Variants in POTEJ observed in about 807,000 individuals in gnomAD.
POTEJ encodes POTE ankyrin domain family member J, also known as POTE ankyrin domain family, member J.
In POTEJ, 11 loss-of-function variants were observed where a neutral mutation model predicts 69.0. The observed-to-expected ratio is 0.16, with a 90% CI of 0.10 to 0.26. The LOEUF (loss-of-function observed/expected upper bound fraction) is 0.26, where lower values mean the gene tolerates loss of function less well. Ranked by LOEUF, POTEJ falls within the 10% of genes least tolerant of loss-of-function variation. The pLI is 1.00. For missense variants in POTEJ, 327 were observed against 1,045.5 expected, an observed-to-expected ratio of 0.31 and a Z score of 9.48; for synonymous variants, 117 against 381.1, an observed-to-expected ratio of 0.31 and a Z score of 8.07.
intron 13 of POTEJ, among the ~76,000 whole-genome samples, chr2:130,649,067 C>T (rs1466503005): frequency 2.1e-5 from 3 of 142,112 alleles, no homozygotes; most frequent in African/African-American, 5.7e-5. Context: ...GTTGGGATTA[C>T]AGGCGTGAGC....
At chr2:130,640,775 G>C (rs1235864148) in intron 10 of POTEJ, among the ~76,000 whole-genome samples, 1 of 152,188 alleles carries the variant, frequency 6.6e-6, no homozygotes, top group Non-Finnish European at 1.5e-5. Context: ...GATTAGCTTA[G>C]AATAAACATT....
At position 130,615,604 on chromosome 2, in the gene POTEJ, G is replaced by C. The variant is rs559956161; in HGVS notation, c.411-1186G>C. Among the ~76,000 whole-genome samples, 22 of 141,198 alleles carry C rather than the reference G, an allele frequency of 1.6e-4. 2 individuals carry two copies. The highest frequency in any genetic ancestry group is 4.9e-4 in the African/African-American group (17 of 34,744). The allele number at this position is 141,198 out of a possible 152,430, so 92.6% of individuals were successfully genotyped here. On this transcript the variant is annotated intron_variant, in intron 1 of 14. Transcript: ENST00000409602. ...AAGGAACACACACTGGGGCCTATCAGAGGGTGGAGGGTGGGAAGAGGGAAA... is the reference window on the plus strand; with the variant it reads ...AAGGAACACACACTGGGGCCTATCACAGGGTGGAGGGTGGGAAGAGGGAAA...
rs1686928978 is a variant in POTEJ, at chr2:130,654,927, AC to A, written c.1675del (p.Gln559LysfsTer22). On this transcript the variant is annotated frameshift_variant, in exon 14 of 15. Coordinates refer to ENST00000409602, the MANE Select transcript of POTEJ (RefSeq NM_001277083.2). LOFTEE classifies it high-confidence loss of function. The stretch of plus-strand genomic sequence containing the variant: ...AAATTAAAATTTCTTCTAGTGACGA[AC>A]AAAATGATACTCAGAAGCAATTTTG... ...TENEEYHSDE[Q>X]NDTQKQFCEE... The A allele has an allele frequency of 1.0e-6, 1 of 984,170 alleles. No individual in the cohort carries two copies. Among genetic ancestry groups the A allele is most frequent in the Non-Finnish European group, 1.4e-6 (1 of 693,068 alleles). The allele number at this position is 984,170 out of a possible 1,614,324, so 61.0% of individuals were successfully genotyped here.
chr2:130,626,944 G>C (rs1224593159), intron 6 of POTEJ, among the ~76,000 whole-genome samples: 1 of 152,148 alleles, frequency 6.6e-6, no homozygotes, highest in African/African-American at 2.4e-5. Flanking sequence ...GTAAATGTTT[G>C]TGTTCCCAGT....
In POTEJ at chr2:130,651,767, C is replaced by A. The variant is rs75860881; in HGVS notation, c.1668-3154C>A. Among the ~76,000 whole-genome samples the A allele has an allele frequency of 1.4e-5, 2 of 143,502 alleles. 1 individual carries two copies. The highest frequency in any genetic ancestry group is 3.1e-5 in the Non-Finnish European group (2 of 65,116). The allele number at this position is 143,502 out of a possible 152,430, so 94.1% of individuals were successfully genotyped here. ...TGTTCACTTTTTTCTCTGTACAATA[C>A]TAGTGATATTGTTATGCATTTTTAT... On this transcript the variant is annotated intron_variant, in intron 13 of 14. Transcript: ENST00000409602.
chr2:130,640,565 C>G (rs1686311582), intron 10 of POTEJ, among the ~76,000 whole-genome samples: 2 of 151,928 alleles, frequency 1.3e-5, no homozygotes, highest in Admixed American at 1.3e-4. Flanking sequence ...ATTCACGTCT[C>G]CTTTCGTGGT....
At chr2:130,628,857 A>G (rs1456353074) in intron 6 of POTEJ, among the ~76,000 whole-genome samples, 1 of 148,948 alleles carries the variant, frequency 6.7e-6, no homozygotes, top group Non-Finnish European at 1.5e-5. Flanking sequence ...ATCTCTACTA[A>G]AAACACGAAA....
chr2:130,656,177 G>C (rs1269411213), intron 14 of POTEJ, among the ~76,000 whole-genome samples: 2 of 144,956 alleles, frequency 1.4e-5, no homozygotes. Flanking sequence ...TAAAAATGTA[G>C]TCAAATTGTT....
rs183216030 is a variant in POTEJ, at chr2:130,656,857, G to A, written c.2097G>A (p.Gly699=). 3 of 1,586,234 alleles carry A rather than the reference G, an allele frequency of 1.9e-6. No homozygotes were observed. Among genetic ancestry groups the A allele is most frequent in the Admixed American group, 1.7e-5 (1 of 59,404 alleles). Residue 699 remains glycine (G), a synonymous_variant, in exon 15 of 15, where the codon GGG becomes GGA. Transcript: ENST00000409602. ...APRAVFPSIV[G]CPRQQGMMGG... is the part of the protein sequence containing the mutation. ...GGGCTGTCTTCCCTTCCATCGTGGG[G>A]TGCCCCAGGCAGCAGGGCATGATGG... is the stretch of plus-strand genomic sequence containing the variant.
intron 13 of POTEJ, among the ~76,000 whole-genome samples, chr2:130,649,950 T>A (rs1331165376): frequency 6.6e-6 from 1 of 152,156 alleles, no homozygotes; most frequent in Non-Finnish European, 1.5e-5. Flanking sequence ...AATAACCACT[T>A]CCTGAGGGAG....
intron 9 of POTEJ, among the ~76,000 whole-genome samples, chr2:130,637,289 G>A (rs1390185370): frequency 1.8e-4 from 27 of 150,350 alleles, no homozygotes; most frequent in African/African-American, 6.6e-4. Context: ...CTGAGTCAGA[G>A]GAATTGCAAA....
At position 130,646,681 on chromosome 2, in the gene POTEJ, G is replaced by C. The variant is rs1408626360; in HGVS notation, c.1667+371G>C. On this transcript the variant is annotated intron_variant, in intron 13 of 14. Coordinates refer to ENST00000409602, the MANE Select transcript of POTEJ (RefSeq NM_001277083.2). ...CAAAATACTCGAAAGGTAGTTTTTT[G>C]GTCGTCTCCCTCCTGCCATGCTCCT... 4.9e-5 allele frequency among the ~76,000 whole-genome samples: 7 copies of C among 141,744 alleles called. No individual in the cohort carries two copies. In the East Asian group the frequency reaches 1.2e-3, roughly 24 times the overall value. 93.0% of individuals were successfully genotyped at this position (141,744 alleles called of 152,430 possible). A position where few individuals can be genotyped will look rare whatever the true frequency, so the allele number is the denominator to read the frequency against.
At chr2:130,614,731 C>T (rs1356163402) in intron 1 of POTEJ, among the ~76,000 whole-genome samples, 1 of 110,054 alleles carries the variant, frequency 9.1e-6, no homozygotes, top group Non-Finnish European at 1.8e-5. Flanking sequence ...ATGCAATAAT[C>T]CTTGGGAAGA....
intron 11 of POTEJ, among the ~76,000 whole-genome samples, chr2:130,645,478 C>T (rs1686545480): frequency 7.8e-6 from 1 of 128,340 alleles, no homozygotes; most frequent in Non-Finnish European, 1.7e-5. Flanking sequence ...TGTTTTTCTT[C>T]TCCCTTTGTC....
chr2:130,623,113 C>T (rs1348488914), intron 5 of POTEJ, among the ~76,000 whole-genome samples: 26 of 133,962 alleles, frequency 1.9e-4, no homozygotes, highest in African/African-American at 8.2e-4. Context: ...ATGTTCGGTG[C>T]AAAATATATT....
intron 10 of POTEJ, among the ~76,000 whole-genome samples, chr2:130,641,634 G>A (rs62163594): frequency 4.3e-3 from 636 of 148,798 alleles, no homozygotes; most frequent in African/African-American, 0.015. Flanking sequence ...TATTTAACCT[G>A]GACATGAGGA....
At chr2:130,629,052 A>G (rs1377158731) in intron 6 of POTEJ, among the ~76,000 whole-genome samples, 8 of 152,202 alleles carry the variant, frequency 5.3e-5, no homozygotes, top group African/African-American at 1.4e-4. Context: ...GAAAATAAAT[A>G]TGTCCGAATC....
At position 130,643,357 on chromosome 2, in the gene POTEJ, A is replaced by G. The variant is rs920539243; in HGVS notation, c.1370-626A>G. ...CCAATGGTGAAACCCCATCTCTACT[A>G]AAAATACAAAAATCAGCTGGGTGTG... On this transcript the variant is annotated intron_variant, in intron 10 of 14. Coordinates refer to ENST00000409602, the MANE Select transcript of POTEJ (RefSeq NM_001277083.2). 1.6e-5 allele frequency among the ~76,000 whole-genome samples: 2 copies of G among 126,070 alleles called. 1 individual carries two copies. The highest frequency in any genetic ancestry group is 5.8e-5 in the African/African-American group (2 of 34,292). The allele number at this position is 126,070 out of a possible 152,430, so 82.7% of individuals were successfully genotyped here. A position where few individuals can be genotyped will look rare whatever the true frequency, so the allele number is the denominator to read the frequency against.
intron 10 of POTEJ, among the ~76,000 whole-genome samples, chr2:130,639,097 A>G (rs945296848): frequency 1.4e-4 from 22 of 152,418 alleles, no homozygotes; most frequent in African/African-American, 5.0e-4. Context: ...CTGGAGGCAG[A>G]GTAGAGGCTG....
Sources: gnomAD v4.1 joint callset for allele counts (sites outside exome capture counted in the v4.1 genomes callset) on GRCh38, gnomAD v4.1.1 for gene constraint, MANE v1.5 for transcripts, NCBI Gene and HGNC (gene_info 2026-07-23, HGNC 2026-07-21) for gene names.